Variants in SNTG1 observed in about 807,000 individuals in gnomAD.
SNTG1 encodes syntrophin gamma 1, also known as gamma-1-syntrophin.
Under a neutral mutation model 74.7 loss-of-function variants are expected in SNTG1, and 39 were observed. The ratio of observed to expected loss-of-function variants is 0.52; its 90% CI spans 0.40 to 0.68. SNTG1 has a LOEUF of 0.68. Ranked by LOEUF, SNTG1 falls within the 30% of genes least tolerant of loss-of-function variation. The pLI, the probability that SNTG1 is intolerant of heterozygous loss-of-function variation, is 0.00. For synonymous variants in SNTG1, 254 were observed against 217.1 expected (o/e 1.17, Z -1.49); for missense variants, 685 against 609.5 (o/e 1.12, Z -1.30).
intron 2 of SNTG1, among the ~76,000 whole-genome samples, chr8:50,192,993 T>C (rs1269159707): frequency 6.6e-6 from 1 of 152,176 alleles, no homozygotes; most frequent in Non-Finnish European, 1.5e-5. Context: ...TTCTCTATTC[T>C]GTTTCATTGG....
intron 8 of SNTG1, among the ~76,000 whole-genome samples, chr8:50,476,025 T>A (rs2093694840): frequency 6.6e-6 from 1 of 152,056 alleles, no homozygotes; most frequent in Admixed American, 6.5e-5. Context: ...TGGACTTGAA[T>A]TATCCCTCTG....
At chr8:50,670,373 T>C (rs1224047655) in intron 15 of SNTG1, among the ~76,000 whole-genome samples, 3 of 151,880 alleles carry the variant, frequency 2.0e-5, no homozygotes, top group African/African-American at 7.3e-5. Flanking sequence ...TATACAAAAA[T>C]CACAAGCATT....
intron 12 of SNTG1, among the ~76,000 whole-genome samples, chr8:50,578,025 A>G (rs1440036713): frequency 6.6e-6 from 1 of 152,226 alleles, no homozygotes; most frequent in Non-Finnish European, 1.5e-5. Flanking sequence ...TAGAAGTGGC[A>G]TACAGTTTAC....
intron 2 of SNTG1, among the ~76,000 whole-genome samples, chr8:50,196,623 CA>C (rs1202311962): frequency 6.6e-6 from 1 of 151,758 alleles, no homozygotes; most frequent in Non-Finnish European, 1.5e-5. Context: ...TGTTTGGGGC[CA>C]GACTTGGCAA....
intron 15 of SNTG1, among the ~76,000 whole-genome samples, chr8:50,691,225 A>G (rs991556402): frequency 1.3e-5 from 2 of 152,148 alleles, no homozygotes; most frequent in Non-Finnish European, 2.9e-5. Context: ...GTGTCTTTCA[A>G]TTGGAGCATT....
chr8:50,058,071 G>C (rs1031818883), intron 1 of SNTG1, among the ~76,000 whole-genome samples: 2 of 151,958 alleles, frequency 1.3e-5, no homozygotes, highest in African/African-American at 4.8e-5. Flanking sequence ...AAAATCTAAA[G>C]CTCCACCTCA....
At chr8:50,680,933 G>A (rs574996138) in intron 15 of SNTG1, among the ~76,000 whole-genome samples, 5 of 152,112 alleles carry the variant, frequency 3.3e-5, no homozygotes, top group Non-Finnish European at 5.9e-5. Context: ...ACAGTAATGT[G>A]AAAACACAAT....
At chr8:50,055,644 G>T (rs1302576996) in intron 1 of SNTG1, among the ~76,000 whole-genome samples, 2 of 152,026 alleles carry the variant, frequency 1.3e-5, no homozygotes, top group African/African-American at 4.8e-5. Context: ...AAGAAATGTT[G>T]TCTGTAAAGC....
intron 12 of SNTG1, among the ~76,000 whole-genome samples, chr8:50,581,813 C>T (rs555054566): frequency 5.3e-5 from 8 of 152,270 alleles, no homozygotes; most frequent in Non-Finnish European, 7.4e-5. Context: ...TGTCCTTACT[C>T]GGCAAGTGTT....
chr8:50,158,968 T>G (rs1463442135), intron 1 of SNTG1, among the ~76,000 whole-genome samples: 1 of 152,168 alleles, frequency 6.6e-6, no homozygotes, highest in East Asian at 1.9e-4. Context: ...TTGCTCCTCT[T>G]AGTCTCAAGC....
intron 2 of SNTG1, among the ~76,000 whole-genome samples, chr8:50,226,036 G>T (rs1364943331): frequency 6.6e-6 from 1 of 152,096 alleles, no homozygotes; most frequent in African/African-American, 2.4e-5. Flanking sequence ...ACAACAAAAT[G>T]AACACAATAG....
intron 18 of SNTG1, among the ~76,000 whole-genome samples, chr8:50,771,325 C>T (rs1431856407): frequency 1.3e-5 from 2 of 152,094 alleles, no homozygotes; most frequent in Non-Finnish European, 2.9e-5. Context: ...CTATTACACC[C>T]TTGCAAAGAA....
At chr8:50,588,873 G>A (rs1369407360) in intron 12 of SNTG1, among the ~76,000 whole-genome samples, 1 of 151,148 alleles carries the variant, frequency 6.6e-6, no homozygotes, top group Non-Finnish European at 1.5e-5. Flanking sequence ...ACATTACAAA[G>A]ACAATCTACA....
intron 13 of SNTG1, among the ~76,000 whole-genome samples, chr8:50,611,793 G>A (rs544485399): frequency 1.3e-4 from 20 of 152,146 alleles, no homozygotes; most frequent in Non-Finnish European, 2.2e-4. Context: ...TTGAGTCAGG[G>A]TCTCACTCTG....
At chr8:49,973,068 T>C (rs1336874147) in intron 1 of SNTG1, among the ~76,000 whole-genome samples, 1 of 152,144 alleles carries the variant, frequency 6.6e-6, no homozygotes, top group East Asian at 1.9e-4. Flanking sequence ...AGCACACGTA[T>C]GTTTATTGCG....
chr8:50,223,646 G>T (rs1383177346), intron 2 of SNTG1, among the ~76,000 whole-genome samples: 2 of 151,892 alleles, frequency 1.3e-5, no homozygotes, highest in Admixed American at 1.3e-4. Context: ...GAAACAAAAA[G>T]AAAAGAGCAA....
At chr8:50,206,906 G>C (rs569743784) in intron 2 of SNTG1, among the ~76,000 whole-genome samples, 2 of 152,256 alleles carry the variant, frequency 1.3e-5, no homozygotes, top group East Asian at 3.9e-4. Flanking sequence ...TTTCATCCTA[G>C]GGATGAAGCC....
At chr8:50,154,990 T>A (rs1356487421) in intron 1 of SNTG1, among the ~76,000 whole-genome samples, 9 of 152,240 alleles carry the variant, frequency 5.9e-5, no homozygotes, top group African/African-American at 2.2e-4. Context: ...TATAGAGTAA[T>A]TCTGTGTACT....
chr8:50,084,096 C>A (rs893651181), intron 1 of SNTG1, among the ~76,000 whole-genome samples: 1 of 152,156 alleles, frequency 6.6e-6, no homozygotes, highest in Non-Finnish European at 1.5e-5. Flanking sequence ...CTAAAAGACA[C>A]CTCTCACACT....
Sources: gnomAD v4.1 joint callset for allele counts (sites outside exome capture counted in the v4.1 genomes callset) on GRCh38, gnomAD v4.1.1 for gene constraint, MANE v1.5 for transcripts, NCBI Gene and HGNC (gene_info 2026-07-23, HGNC 2026-07-21) for gene names.